The following C9orf85 variants were observed in gnomAD, a reference collection of about 807,000 sequenced individuals.
C9orf85 encodes uncharacterized protein C9orf85.
In C9orf85, 16 loss-of-function variants were observed where a neutral mutation model predicts 14.9. The observed-to-expected ratio is 1.08, with a 90% CI of 0.73 to 1.63. The LOEUF is 1.63. Ranked by LOEUF, C9orf85 falls within the 40% of genes most tolerant of loss-of-function variation. C9orf85 has a pLI of 0.00. For missense variants in C9orf85, 172 were observed against 186.1 expected (o/e 0.92, Z 0.44); for synonymous variants, 45 against 56.8 (o/e 0.79, Z 0.93).
At chr9:71,971,171 G>A (rs1822851787) in intron 2 of C9orf85, among the ~76,000 whole-genome samples, 1 of 152,128 alleles carries the variant, frequency 6.6e-6, no homozygotes, top group East Asian at 1.9e-4. Flanking sequence ...TTCTTTTATT[G>A]GATTTATTCC....
At chr9:71,965,193 G>A (rs974725324) in intron 2 of C9orf85, among the ~76,000 whole-genome samples, 7 of 152,230 alleles carry the variant, frequency 4.6e-5, no homozygotes, top group Non-Finnish European at 8.8e-5. Flanking sequence ...CGGCTTGAAT[G>A]CCTGGGTTTA....
intron 1 of C9orf85, chr9:71,941,904 A>G (rs978557974): frequency 6.2e-4 from 94 of 152,294 alleles, no homozygotes; most frequent in African/African-American, 2.1e-3. Flanking sequence ...AAGTTATTTT[A>G]CCTGTACCCA....
In C9orf85 at chr9:71,931,340, T is replaced by G. The variant is rs147577960; in HGVS notation, c.103-15666T>G. 6.2e-4 allele frequency among the ~76,000 whole-genome samples: 94 copies of G among 152,320 alleles called. 1 individual carries two copies. The highest frequency in any genetic ancestry group is 6.8e-3 in the Middle Eastern group (2 of 294). ...TGTTTCTGCGTATGCTAGACTAATA[T>G]ATCAGATATCTGAAACAGTCTCCAG... On this transcript the variant is annotated intron_variant, in intron 1 of 3. Coordinates refer to ENST00000334731, the MANE Select transcript of C9orf85 (RefSeq NM_182505.5).
At chr9:71,972,157 ATTAT>A (rs1398973659) in intron 3 of C9orf85, among the ~76,000 whole-genome samples, 1 of 152,210 alleles carries the variant, frequency 6.6e-6, no homozygotes, top group Admixed American at 6.5e-5. Flanking sequence ...AGAATTACAC[ATTAT>A]TTAACAACTT....
Position 71,973,327 on chromosome 9 carries a change from G to C in C9orf85, c.*485G>C, listed in dbSNP as rs1423711488. The C allele has an allele frequency of 1.3e-5, 2 of 152,010 alleles. No individual in the cohort carries two copies. The highest frequency in any genetic ancestry group is 2.9e-5 in the Non-Finnish European group (2 of 68,016). The allele number at this position is 152,010 out of a possible 1,614,324, so 9.4% of individuals were successfully genotyped here. A position where few individuals can be genotyped will look rare whatever the true frequency, so the allele number is the denominator to read the frequency against. On this transcript the variant is annotated 3_prime_UTR_variant, in exon 4 of 4. Transcript: ENST00000334731. ...TATTACTTAACATCAAACTAAACAA[G>C]ATTCAGAATTGATGGTTGTATAAGA...
chr9:71,985,351 C>T (rs1042499218), downstream of C9orf85: 4 of 152,198 alleles, frequency 2.6e-5, no homozygotes, highest in African/African-American at 9.7e-5. Flanking sequence ...ACTGTCTGGC[C>T]TGCAGTTTTT....
intron 1 of C9orf85, among the ~76,000 whole-genome samples, chr9:71,927,671 A>C (rs1564084884): frequency 6.6e-6 from 1 of 152,236 alleles, no homozygotes; most frequent in African/African-American, 2.4e-5. Flanking sequence ...TACAAGAAGC[A>C]ATAGTAAGCA....
intron 3 of C9orf85, among the ~76,000 whole-genome samples, chr9:71,972,128 G>A (rs190982288): frequency 1.3e-3 from 197 of 152,198 alleles, no homozygotes; most frequent in Admixed American, 4.1e-3. Flanking sequence ...TTATGTGTGA[G>A]ATTCATATTC....
chr9:71,977,911 G>GA (rs954542260), downstream of C9orf85, among the ~76,000 whole-genome samples: 69 of 152,116 alleles, frequency 4.5e-4, no homozygotes, highest in African/African-American at 1.6e-3. Flanking sequence ...CATACCTACT[G>GA]AAAAAAATCA....
Position 71,972,848 on chromosome 9 carries a change from C to T in C9orf85, c.*6C>T, listed in dbSNP as rs1298255132. ...GAGACCATCAAATGAATTAATATCA[C>T]TGTATTAAAAGTCTGCCGGGCACAG... On this transcript the variant is annotated 3_prime_UTR_variant, in exon 4 of 4. Coordinates refer to ENST00000334731, the MANE Select transcript of C9orf85 (RefSeq NM_182505.5). The T allele has an allele frequency of 4.4e-6, 7 of 1,600,554 alleles. No individual in the cohort carries two copies. The South Asian group carries it at 5.6e-5, about 13-fold the overall frequency.
chr9:71,946,897 T>A (rs1410438284), intron 1 of C9orf85, 109 bp from the exon 2 acceptor site: 1 of 628,308 alleles, frequency 1.6e-6, no homozygotes. Flanking sequence ...GTTATGCAGA[T>A]TAAGGTTCAG....
intron 2 of C9orf85, among the ~76,000 whole-genome samples, chr9:71,970,362 T>A (rs1455917972): frequency 6.6e-6 from 1 of 152,228 alleles, no homozygotes; most frequent in Non-Finnish European, 1.5e-5. Context: ...TATAGAGTGT[T>A]CTAAAATTGT....
downstream of C9orf85, among the ~76,000 whole-genome samples, chr9:71,973,893 G>A (rs149222761): frequency 5.0e-5 from 7 of 140,538 alleles, no homozygotes; most frequent in East Asian, 2.1e-4. Context: ...TTTTTATTAC[G>A]TTTCTTATTT....
intron 2 of C9orf85, among the ~76,000 whole-genome samples, chr9:71,961,192 T>TG (rs1352360327): frequency 1.3e-5 from 2 of 151,652 alleles, no homozygotes; most frequent in Non-Finnish European, 2.9e-5. Flanking sequence ...GATTTACAGG[T>TG]GTAAGCCACC....
intron 1 of C9orf85, among the ~76,000 whole-genome samples, chr9:71,940,178 A>G (rs1828293452): frequency 6.6e-6 from 1 of 152,166 alleles, no homozygotes; most frequent in Admixed American, 6.5e-5. Context: ...AATCCAGAAT[A>G]TATTAATATG....
intron 2 of C9orf85, among the ~76,000 whole-genome samples, chr9:71,953,731 C>T (rs780467172): frequency 1.4e-4 from 21 of 151,996 alleles, no homozygotes; most frequent in Non-Finnish European, 1.9e-4. Flanking sequence ...TTAAATTGAT[C>T]GTTGCATCTC....
chr9:71,916,797 G>T (rs1288910494), intron 1 of C9orf85, among the ~76,000 whole-genome samples: 1 of 152,040 alleles, frequency 6.6e-6, no homozygotes, highest in Non-Finnish European at 1.5e-5. Flanking sequence ...TATTTACTTT[G>T]AACATGATAT....
At chr9:71,963,320 ACTTCCAAGATGGCGGTGTGCTG>A (rs1564097884) in intron 2 of C9orf85, among the ~76,000 whole-genome samples, 3 of 152,096 alleles carry the variant, frequency 2.0e-5, no homozygotes, top group South Asian at 4.1e-4. Context: ...GTGGCAGGCC[ACTTCCAAGATGGCGGTGTGCTG>A]CTTCCAAGAT....
chr9:71,937,691 G>T (rs2031318), intron 1 of C9orf85, among the ~76,000 whole-genome samples: 147,360 of 152,252 alleles, frequency 0.97, 71,498 homozygotes, highest in East Asian at 1. Flanking sequence ...GGGAGCAAGA[G>T]GGACTAAACT....
Sources: allele counts gnomAD v4.1 joint callset (sites outside exome capture counted in the v4.1 genomes callset), GRCh38; gene constraint gnomAD v4.1.1; transcripts MANE v1.5; gene names NCBI Gene and HGNC (gene_info 2026-07-23, HGNC 2026-07-21).